Variants in ALDH1L2 observed in about 807,000 individuals in gnomAD.
ALDH1L2 encodes the protein mitochondrial 10-formyltetrahydrofolate dehydrogenase.
A neutral mutation model predicts 111.0 loss-of-function variants in ALDH1L2; 91 were observed. The ratio of observed to expected loss-of-function variants is 0.82; its 90% CI spans 0.69 to 0.98. The LOEUF (loss-of-function observed/expected upper bound fraction) is 0.98. Among genes scored for constraint, ALDH1L2 ranks in the 50% least tolerant of loss-of-function variants. The probability of loss-of-function intolerance (pLI) is 0.00; values close to 1 mark genes in which losing one functional copy is unlikely to be tolerated. For missense variants in ALDH1L2, 995 were observed against 1,126.8 expected (o/e 0.88, Z 1.67); for synonymous variants, 374 against 392.6 (o/e 0.95, Z 0.56).
chr12:105,078,773 G>A (rs1287720215), intron 1 of ALDH1L2, among the ~76,000 whole-genome samples: 2 of 152,202 alleles, frequency 1.3e-5, no homozygotes, highest in Non-Finnish European at 2.9e-5. Context: ...GAGACGAGAA[G>A]CCTTCTCCAG....
chr12:105,070,541 A>C, intron 3 of ALDH1L2, 29 bp downstream of exon 3: 1 of 1,566,384 alleles, frequency 6.4e-7, no homozygotes, highest in Non-Finnish European at 8.7e-7. Flanking sequence ...CCCATCTCAA[A>C]AAAAAAAAGT....
intron 22 of ALDH1L2, among the ~76,000 whole-genome samples, chr12:105,024,763 T>G (rs1335318363): frequency 6.6e-6 from 1 of 152,224 alleles, no homozygotes; most frequent in Non-Finnish European, 1.5e-5. Flanking sequence ...CTTTGAATAG[T>G]AACAGCCCAG....
chr12:105,071,838 G>A (rs942098625), intron 2 of ALDH1L2, among the ~76,000 whole-genome samples: 1 of 148,994 alleles, frequency 6.7e-6, no homozygotes, highest in Non-Finnish European at 1.5e-5. Context: ...TGTAATCCCA[G>A]CACTTTGAGA....
intron 22 of ALDH1L2, among the ~76,000 whole-genome samples, chr12:105,024,853 A>G (rs1010472809): frequency 1.3e-4 from 20 of 152,178 alleles, no homozygotes; most frequent in African/African-American, 4.6e-4. Context: ...TTATTTCCCT[A>G]CTTGATGACA....
At chr12:105,049,836 G>T in intron 13 of ALDH1L2, 72 bp downstream of exon 13, 1 of 1,467,238 alleles carries the variant, frequency 6.8e-7, no homozygotes, top group South Asian at 1.5e-5. Context: ...AAGAGGATCT[G>T]ACACAGTGCC....
At chr12:105,073,839 A>G in intron 2 of ALDH1L2, 22 bp downstream of exon 2, 1 of 1,613,576 alleles carries the variant, frequency 6.2e-7, no homozygotes, top group Non-Finnish European at 8.5e-7. Flanking sequence ...TTCTTGACCC[A>G]GTCATCCCAA....
rs774443746 is a variant in ALDH1L2 at position 105,052,808 on chromosome 12, TCACAGATCCATCTG to T, written c.1397_1407+3del. 1 of 1,614,088 alleles carries T rather than the reference TCACAGATCCATCTG, an allele frequency of 6.2e-7. No individual in the cohort carries two copies. The highest frequency in any genetic ancestry group is 1.7e-5 in the Admixed American group (1 of 60,026). On this transcript the variant is annotated splice_donor_variant and splice_donor_region_variant and coding_sequence_variant and intron_variant, in exon 11 of 23. Transcript: ENST00000258494. LOFTEE classifies it high-confidence loss of function. The stretch of plus-strand genomic sequence containing the variant: ...ATCACTACTCACACTAAAGAATTAC[TCACAGATCCATCTG>T]TTGGGTTGATAGTGTCGTAAGTCTT...
intron 9 of ALDH1L2, among the ~76,000 whole-genome samples, chr12:105,060,229 ATAT>A (rs1235981334): frequency 6.6e-6 from 1 of 152,136 alleles, no homozygotes; most frequent in Admixed American, 6.5e-5. Flanking sequence ...CAGGTATCAG[ATAT>A]TATTCTGGTA....
chr12:105,084,332 G>A (rs1328927193), intron 1 of ALDH1L2, 57 bp downstream of exon 1: 5 of 753,314 alleles, frequency 6.6e-6, no homozygotes, highest in Non-Finnish European at 7.9e-6. Flanking sequence ...CTCCCGCCCC[G>A]GAGTCTGGAA....
chr12:105,034,255 A>G, intron 19 of ALDH1L2, 45 bp downstream of exon 19: 1 of 1,580,096 alleles, frequency 6.3e-7, no homozygotes. Flanking sequence ...TTCAAGTAAA[A>G]GCAAAATCTC....
chr12:105,046,609 C>T (rs1263715358), intron 15 of ALDH1L2, 101 bp downstream of exon 15: 1 of 1,023,050 alleles, frequency 9.8e-7, no homozygotes. Context: ...AAATGCCATA[C>T]CATCTCATTT....
At chr12:105,046,221 ATTTTTTTTTTTTT>A (rs869078154) in intron 15 of ALDH1L2, among the ~76,000 whole-genome samples, 15 of 21,782 alleles carry the variant, frequency 6.9e-4, no homozygotes, top group African/African-American at 3.0e-3. Flanking sequence ...ATATATATAT[ATTTTTTTTTTTTT>A]TTTTTTTTTT....
chr12:105,069,070 A>G (rs939131848), intron 3 of ALDH1L2, among the ~76,000 whole-genome samples, 186 bp from the exon 4 acceptor site: 5 of 152,224 alleles, frequency 3.3e-5, no homozygotes, highest in African/African-American at 1.2e-4. Context: ...TGGTACTGCT[A>G]TTTTATATAA....
rs528257527 is a variant in ALDH1L2, at chr12:105,034,606, T to C, written c.2146-208A>G. On this transcript the variant is annotated intron_variant, in intron 18 of 22. Transcript: ENST00000258494. Reference sequence around the variant, plus strand: ...ATGATTTGAGAGATTTTGTTTATCCTTTCCCCCTTTTGGTCCCTGAGCATT... The same window carrying C: ...ATGATTTGAGAGATTTTGTTTATCCCTTCCCCCTTTTGGTCCCTGAGCATT... 9.2e-5 allele frequency among the ~76,000 whole-genome samples: 14 copies of C among 152,320 alleles called. No individual in the cohort carries two copies. In the South Asian group the frequency reaches 2.9e-3, roughly 32 times the overall value.
At chr12:105,059,267 AAATAATAATAATAATAAT>A (rs56329502) in intron 9 of ALDH1L2, among the ~76,000 whole-genome samples, 1,802 of 138,340 alleles carry the variant, frequency 0.013, 61 homozygotes, top group African/African-American at 0.046. Flanking sequence ...CTCTGTCTCA[AAATAATAATAATAATAAT>A]AATAATAATA....
chr12:105,026,607 T>C lies in ALDH1L2; in HGVS notation c.2654A>G (p.Asn885Ser). ...EAGTVFINTY[N>S]KTDVAAPFGG... ...AAATGGGGCCGCCACATCTGTCTTGTTGTATGTGTTAATAAAAACAGTTCC... is the reference window on the plus strand; with the variant it reads ...AAATGGGGCCGCCACATCTGTCTTGCTGTATGTGTTAATAAAAACAGTTCC... Residue 885 changes from asparagine (N) to serine (S), a missense_variant, in exon 22 of 23, where the codon AAC becomes AGC. Coordinates refer to ENST00000258494, the MANE Select transcript of ALDH1L2 (RefSeq NM_001034173.4). The C allele has an allele frequency of 6.2e-7, 1 of 1,614,178 alleles. No individual in the cohort carries two copies. The highest frequency in any genetic ancestry group is 1.3e-5 in the African/African-American group (1 of 75,050).
chr12:105,049,268 C>T (rs143000894), intron 13 of ALDH1L2, among the ~76,000 whole-genome samples: 1 of 152,160 alleles, frequency 6.6e-6, no homozygotes, highest in East Asian at 1.9e-4. Context: ...ACTTTAGATT[C>T]GGAAAATCTT....
intron 10 of ALDH1L2, 72 bp from the exon 11 acceptor site, chr12:105,053,003 A>G: frequency 4.5e-6 from 7 of 1,546,018 alleles, no homozygotes; most frequent in Non-Finnish European, 6.2e-6. Context: ...GCAATAAAGA[A>G]GCATATTCAC....
intron 15 of ALDH1L2, among the ~76,000 whole-genome samples, chr12:105,041,741 C>CA (rs1875547484): frequency 6.6e-6 from 1 of 152,152 alleles, no homozygotes; most frequent in Admixed American, 6.5e-5. Context: ...AGTGTGAACA[C>CA]AAAGATTCTT....
Sources: allele counts gnomAD v4.1 joint callset (sites outside exome capture counted in the v4.1 genomes callset), GRCh38; gene constraint gnomAD v4.1.1; transcripts MANE v1.5; gene names NCBI Gene and HGNC (gene_info 2026-07-23, HGNC 2026-07-21).